Variants in PRKAG2 observed in about 807,000 individuals in gnomAD.
PRKAG2 encodes the protein 5'-AMP-activated protein kinase subunit gamma-2.
Under a neutral mutation model 69.6 loss-of-function variants are expected in PRKAG2, and 26 were observed. The observed-to-expected ratio is 0.37, with a 90% confidence interval of 0.27 to 0.52. The LOEUF is 0.52. PRKAG2 is among the 20% of genes least tolerant of loss of function. PRKAG2 has a pLI of 0.90. For synonymous variants in PRKAG2, 293 were observed against 285.0 expected (o/e 1.03, Z -0.28); for missense variants, 557 against 740.0 (o/e 0.75, Z 2.87).
intron 5 of PRKAG2, among the ~76,000 whole-genome samples, chr7:151,623,402 A>T (rs1290457919): frequency 2.0e-5 from 3 of 146,708 alleles, no homozygotes; most frequent in African/African-American, 7.6e-5. Flanking sequence ...GCTCATAAAG[A>T]GTGTGCAACC....
At chr7:151,783,693 G>C (rs566528731) in intron 2 of PRKAG2, among the ~76,000 whole-genome samples, 1 of 151,878 alleles carries the variant, frequency 6.6e-6, no homozygotes, top group South Asian at 2.1e-4. Context: ...GGCCGAGGTG[G>C]GTGGATCACC....
Position 151,814,543 on chromosome 7 carries a change from T to C in PRKAG2, c.115-28002A>G. 1 of 1,231,644 alleles carries C rather than the reference T, an allele frequency of 8.1e-7. No homozygotes were observed. Among genetic ancestry groups the C allele is most frequent in the Non-Finnish European group, 1.0e-6 (1 of 987,998 alleles). 76.3% of individuals were successfully genotyped at this position (1,231,644 alleles called of 1,614,324 possible). Reference sequence around the variant, plus strand: ...CACTCCCAGCTCTGACAAATCCTGCTGCCTCACTCGAAAGGTCCATCAGAG... The same window carrying C: ...CACTCCCAGCTCTGACAAATCCTGCCGCCTCACTCGAAAGGTCCATCAGAG... On this transcript the variant is annotated intron_variant, in intron 1 of 15. Transcript: ENST00000287878. This position sits in a 1 kb window ranked among gnomAD's most constrained non-coding sequence, Gnocchi z 4.8.
Position 151,632,549 on chromosome 7 carries a change from T to A in PRKAG2, c.685-411A>T. On this transcript the variant is annotated intron_variant, in intron 4 of 15. Coordinates refer to ENST00000287878, the MANE Select transcript of PRKAG2 (RefSeq NM_016203.4). The surrounding 1 kb of genome is among the most constrained non-coding windows in gnomAD (Gnocchi z 4.2). Reference sequence around the variant, plus strand: ...GGAGAGGCCCGCGGCCCGCCCCCACTCCGCCCCCCGGCGCCGCTCACCTTC... The same window carrying A: ...GGAGAGGCCCGCGGCCCGCCCCCACACCGCCCCCCGGCGCCGCTCACCTTC... The A allele has an allele frequency of 1.0e-6, 1 of 980,718 alleles. No individual in the cohort carries two copies. The highest frequency in any genetic ancestry group is 4.8e-5 in the South Asian group (1 of 20,870). 60.8% of individuals were successfully genotyped at this position (980,718 alleles called of 1,614,324 possible).
chr7:151,874,467 TGTATATG>T (rs1161564767), intron 1 of PRKAG2, among the ~76,000 whole-genome samples: 30 of 36,158 alleles, frequency 8.3e-4, no homozygotes, highest in African/African-American at 1.8e-3. Flanking sequence ...TATATGTATA[TGTATATG>T]ATGTATATGT....
intron 6 of PRKAG2, among the ~76,000 whole-genome samples, chr7:151,588,366 T>A (rs1812196189): frequency 1.0e-5 from 1 of 96,954 alleles, no homozygotes; most frequent in Admixed American, 1.1e-4. Flanking sequence ...CAAGATCTGA[T>A]TTTTTTTTTT....
intron 3 of PRKAG2, among the ~76,000 whole-genome samples, chr7:151,698,401 G>A (rs532096476): frequency 3.3e-5 from 5 of 152,196 alleles, no homozygotes; most frequent in Admixed American, 2.0e-4. Flanking sequence ...TGTCCCCTCC[G>A]AATCTCATGT....
At chr7:151,686,815 C>G (rs1322311089) in intron 3 of PRKAG2, among the ~76,000 whole-genome samples, 1 of 152,136 alleles carries the variant, frequency 6.6e-6, no homozygotes, top group African/African-American at 2.4e-5. Flanking sequence ...CGGTTCTAGG[C>G]TCTAAGAATC....
At chr7:151,609,420 T>G (rs1323763288) in intron 5 of PRKAG2, among the ~76,000 whole-genome samples, 1 of 152,170 alleles carries the variant, frequency 6.6e-6, no homozygotes, top group African/African-American at 2.4e-5. Flanking sequence ...GCAAAAATAC[T>G]AAAGGATAAT....
chr7:151,849,128 C>T (rs1446163145), intron 1 of PRKAG2, among the ~76,000 whole-genome samples: 1 of 152,184 alleles, frequency 6.6e-6, no homozygotes, highest in Non-Finnish European at 1.5e-5. Context: ...GTGGAGACCT[C>T]GAGAATTCTA....
intron 3 of PRKAG2, among the ~76,000 whole-genome samples, chr7:151,722,398 C>T (rs1288793229): frequency 1.3e-5 from 2 of 152,084 alleles, no homozygotes; most frequent in African/African-American, 2.4e-5. Context: ...TGAAAGCAGC[C>T]ATCTTTCAGC....
At position 151,638,938 on chromosome 7, in the gene PRKAG2, C is replaced by T. The variant is rs1485198223; in HGVS notation, c.685-6800G>A. On this transcript the variant is annotated intron_variant, in intron 4 of 15. Transcript: ENST00000287878. The surrounding 1 kb of genome is among the most constrained non-coding windows in gnomAD (Gnocchi z 4.3). ...GCATCCTGCTGTCTTCCTTGAGCTC[C>T]ACTCTGCTCTGCAAGGGCGTCCTCC... 1.3e-5 allele frequency among the ~76,000 whole-genome samples: 2 copies of T among 152,180 alleles called. No individual in the cohort carries two copies. Among genetic ancestry groups the T allele is most frequent in the Non-Finnish European group, 2.9e-5 (2 of 68,034 alleles).
intron 1 of PRKAG2, among the ~76,000 whole-genome samples, chr7:151,864,075 T>C (rs1029025289): frequency 2.0e-5 from 3 of 152,000 alleles, no homozygotes; most frequent in South Asian, 2.1e-4. Flanking sequence ...AGGGAGGTGA[T>C]AGAGAATGGA....
At chr7:151,643,210 GT>G (rs1827035965) in intron 4 of PRKAG2, among the ~76,000 whole-genome samples, 1 of 152,158 alleles carries the variant, frequency 6.6e-6, no homozygotes, top group African/African-American at 2.4e-5. Flanking sequence ...ATAACTCTTA[GT>G]ATTGTCTTAT....
At chr7:151,851,824 G>A (rs1394647789) in intron 1 of PRKAG2, among the ~76,000 whole-genome samples, 1 of 152,068 alleles carries the variant, frequency 6.6e-6, no homozygotes, top group Non-Finnish European at 1.5e-5. Context: ...TCTATGAAAT[G>A]TGCACGTCCT....
At chr7:151,557,613 T>C in intron 15 of PRKAG2, 1 of 963,622 alleles carries the variant, frequency 1.0e-6, no homozygotes, top group Non-Finnish European at 1.2e-6. Flanking sequence ...CTCACATCTG[T>C]AATCCCAGCA....
intron 3 of PRKAG2, among the ~76,000 whole-genome samples, chr7:151,703,716 T>G (rs75447105): frequency 6.6e-6 from 1 of 151,936 alleles, no homozygotes. Context: ...TTTAAAAAAA[T>G]TTTTTTGGCT....
chr7:151,805,266 T>C (rs2151843893), intron 1 of PRKAG2, among the ~76,000 whole-genome samples: 1 of 152,206 alleles, frequency 6.6e-6, no homozygotes, highest in South Asian at 2.1e-4. Context: ...ACCACCATGT[T>C]ATGAGGAAGC....
chr7:151,620,836 T>C (rs1235068279), intron 5 of PRKAG2, among the ~76,000 whole-genome samples: 2 of 151,856 alleles, frequency 1.3e-5, no homozygotes, highest in Non-Finnish European at 2.9e-5. Flanking sequence ...TGGGGTTTTG[T>C]CATGTTGCCC....
At chr7:151,727,790 C>T (rs148836746) in intron 3 of PRKAG2, among the ~76,000 whole-genome samples, 26 of 152,284 alleles carry the variant, frequency 1.7e-4, no homozygotes, top group African/African-American at 6.3e-4. Context: ...GCCGGGTCAG[C>T]GTTCAGGTGC....
Sources: gnomAD v4.1 joint callset for allele counts (sites outside exome capture counted in the v4.1 genomes callset) on GRCh38, gnomAD v4.1.1 for gene constraint, Gnocchi (gnomAD v3.1) non-coding constraint, MANE v1.5 for transcripts, NCBI Gene and HGNC (gene_info 2026-07-23, HGNC 2026-07-21) for gene names.